Variants in NEGR1 observed in about 807,000 individuals in gnomAD.
NEGR1 encodes the protein neuronal growth regulator 1.
A neutral mutation model predicts 40.9 loss-of-function variants in NEGR1; 10 were observed. The ratio of observed to expected loss-of-function variants is 0.24; its 90% CI spans 0.15 to 0.42. NEGR1 has a LOEUF of 0.42. Ranked by LOEUF, NEGR1 falls within the 10% of genes least tolerant of loss-of-function variation. NEGR1 has a pLI of 1.00. For synonymous variants in NEGR1, 185 were observed against 166.8 expected (o/e 1.11, Z -0.84); for missense variants, 352 against 438.9 (o/e 0.80, Z 1.77).
chr1:71,459,507 A>T (rs1646699145), intron 6 of NEGR1, among the ~76,000 whole-genome samples: 1 of 152,118 alleles, frequency 6.6e-6, no homozygotes, highest in Non-Finnish European at 1.5e-5. Flanking sequence ...TCTAGTCCTA[A>T]CTTATTCTTT....
intron 1 of NEGR1, among the ~76,000 whole-genome samples, chr1:72,059,651 G>A (rs1647148193): frequency 6.6e-6 from 1 of 151,550 alleles, no homozygotes; most frequent in African/African-American, 2.4e-5. Flanking sequence ...ATATTTACAA[G>A]TAACAAAATA....
At chr1:72,148,223 T>C (rs1408199625) in intron 1 of NEGR1, among the ~76,000 whole-genome samples, 4 of 152,058 alleles carry the variant, frequency 2.6e-5, no homozygotes, top group Non-Finnish European at 5.9e-5. Context: ...TTTCCATACA[T>C]CCTTTGAAAT....
intron 1 of NEGR1, among the ~76,000 whole-genome samples, chr1:71,951,388 T>C (rs1321890294): frequency 6.6e-6 from 1 of 151,914 alleles, no homozygotes; most frequent in Non-Finnish European, 1.5e-5. Flanking sequence ...CTATTACAAC[T>C]AATTAAACTC....
chr1:71,869,972 C>G (rs552006299), intron 2 of NEGR1, among the ~76,000 whole-genome samples: 1 of 151,590 alleles, frequency 6.6e-6, no homozygotes, highest in Non-Finnish European at 1.5e-5. Context: ...CTCCACCTCC[C>G]GGGTTCATGT....
intron 2 of NEGR1, among the ~76,000 whole-genome samples, chr1:71,853,679 C>T (rs1420498090): frequency 6.6e-6 from 1 of 152,060 alleles, no homozygotes; most frequent in East Asian, 1.9e-4. Context: ...TATGAATTTA[C>T]AGGCTTTCTG....
At chr1:71,517,549 A>T (rs1647126906) in intron 6 of NEGR1, among the ~76,000 whole-genome samples, 1 of 143,978 alleles carries the variant, frequency 6.9e-6, no homozygotes, top group South Asian at 2.2e-4. Flanking sequence ...AAAACTCTCA[A>T]TAAATTAGGT....
intron 2 of NEGR1, among the ~76,000 whole-genome samples, chr1:71,780,040 C>CAAAAAAAAAAAAAAAAAAAAAAAAAAA (rs57576840): frequency 2.0e-5 from 2 of 99,734 alleles, no homozygotes; most frequent in Non-Finnish European, 3.6e-5. Context: ...ATAGGAAAAC[C>CAAAAAAAAAAAAAAAAAAAAAAAAAAA]AAAAAAAAAA....
At chr1:71,929,753 T>C (rs1570519031) in intron 2 of NEGR1, among the ~76,000 whole-genome samples, 1 of 152,132 alleles carries the variant, frequency 6.6e-6, no homozygotes, top group Non-Finnish European at 1.5e-5. Context: ...TTTCTTCTTT[T>C]GGTCTTTTGG....
At chr1:72,061,635 A>G (rs897007915) in intron 1 of NEGR1, among the ~76,000 whole-genome samples, 17 of 151,800 alleles carry the variant, frequency 1.1e-4, no homozygotes, top group African/African-American at 3.9e-4. Context: ...ACCAAACAAC[A>G]TGTAGCTGGA....
chr1:71,656,405 GT>G (rs1169738391), intron 4 of NEGR1, among the ~76,000 whole-genome samples: 1 of 151,682 alleles, frequency 6.6e-6, no homozygotes, highest in Admixed American at 6.6e-5. Context: ...GTTTGTTTTT[GT>G]TTTTTGTTGT....
intron 1 of NEGR1, among the ~76,000 whole-genome samples, chr1:72,273,790 A>G (rs1655939384): frequency 1.3e-5 from 2 of 151,722 alleles, no homozygotes; most frequent in Admixed American, 1.3e-4. Flanking sequence ...AACCACTAAG[A>G]CTGCAGGAAT....
intron 3 of NEGR1, among the ~76,000 whole-genome samples, chr1:71,760,441 GA>G (rs1655901220): frequency 6.6e-6 from 1 of 152,056 alleles, no homozygotes. Context: ...AAATTATAAA[GA>G]AAACTCTCAG....
At chr1:71,605,129 T>G (rs2101536132) in intron 5 of NEGR1, among the ~76,000 whole-genome samples, 1 of 152,290 alleles carries the variant, frequency 6.6e-6, no homozygotes, top group South Asian at 2.1e-4. Context: ...CAATTAGCCC[T>G]TTGCCTAAAA....
intron 6 of NEGR1, chr1:71,461,674 C>A (rs1025107047): frequency 3.3e-5 from 5 of 152,120 alleles, no homozygotes; most frequent in Non-Finnish European, 5.9e-5. Flanking sequence ...TATCAAATAT[C>A]CATACGATGG....
At chr1:72,044,320 A>C (rs2100462712) in intron 1 of NEGR1, among the ~76,000 whole-genome samples, 2 of 149,828 alleles carry the variant, frequency 1.3e-5, no homozygotes, top group East Asian at 3.9e-4. Context: ...GTTAGCACAA[A>C]GGTCTAAGTT....
chr1:71,973,182 G>A lies in NEGR1; in HGVS notation c.177-37871C>T, dbSNP rs1570567966. Reference sequence around the variant, plus strand: ...ACACAAAAAATTAGCTGGGCGTGGTGGCGGGCGCCTGTAGTCCCAGCTACT... The same window carrying A: ...ACACAAAAAATTAGCTGGGCGTGGTAGCGGGCGCCTGTAGTCCCAGCTACT... On this transcript the variant is annotated intron_variant, in intron 1 of 6. Transcript: ENST00000357731. 2.6e-5 allele frequency among the ~76,000 whole-genome samples: 4 copies of A among 152,228 alleles called. No homozygotes were observed. In the South Asian group the frequency reaches 8.3e-4, roughly 32 times the overall value.
chr1:72,198,254 C>T lies in NEGR1; in HGVS notation c.176+84065G>A, dbSNP rs901799562. Among the ~76,000 whole-genome samples the T allele has an allele frequency of 5.9e-5, 9 of 151,908 alleles. No individual in the cohort carries two copies. In the South Asian group the frequency reaches 1.7e-3, roughly 28 times the overall value. On this transcript the variant is annotated intron_variant, in intron 1 of 6. Coordinates refer to ENST00000357731, the MANE Select transcript of NEGR1 (RefSeq NM_173808.3). ...TGGAGGTAGTGGAAAGGAAAAAGAC[C>T]GTTTGTCTGGCAAGCATTTTACAAG...
Position 71,670,591 on chromosome 1 carries a change from C to A in NEGR1, c.667+27417G>T, listed in dbSNP as rs986414939. ...TTTTTTTTGAGATGGGGGTCTCACT[C>A]TGTTGTCCACACACAATTTCAGCTC... is the stretch of plus-strand genomic sequence containing the variant. On this transcript the variant is annotated intron_variant, in intron 4 of 6. Transcript: ENST00000357731. Among the ~76,000 whole-genome samples the A allele has an allele frequency of 2.6e-5, 4 of 151,980 alleles. No homozygotes were observed. The South Asian group carries it at 8.3e-4, about 31-fold the overall frequency.
Position 71,578,160 on chromosome 1 carries a change from T to A in NEGR1, c.940+14657A>T, listed in dbSNP as rs552135051. The stretch of plus-strand genomic sequence containing the variant: ...AAACATTTATATTATACTTGCTGAT[T>A]AACAGTGATGCTGGATTTGTGTTAA... On this transcript the variant is annotated intron_variant, in intron 6 of 6. Transcript: ENST00000357731. 1.7e-4 allele frequency among the ~76,000 whole-genome samples: 26 copies of A among 152,266 alleles called. No homozygotes were observed. In the South Asian group the frequency reaches 5.0e-3, roughly 29 times the overall value.
Sources: allele counts gnomAD v4.1 joint callset (sites outside exome capture counted in the v4.1 genomes callset), GRCh38; gene constraint gnomAD v4.1.1; transcripts MANE v1.5; gene names NCBI Gene and HGNC (gene_info 2026-07-23, HGNC 2026-07-21).